Variants in GP2 observed in about 807,000 individuals in gnomAD.
The protein encoded by GP2 is glycoprotein 2.
A neutral mutation model predicts 60.8 loss-of-function variants in GP2; 58 were observed. The observed-to-expected ratio is 0.95, with a 90% CI of 0.77 to 1.19. GP2 has a LOEUF of 1.19. Ranked by LOEUF, GP2 falls within the 50% of genes most tolerant of loss-of-function variation. GP2 has a pLI of 0.00. For missense variants in GP2, 647 were observed against 667.4 expected (o/e 0.97, Z 0.34); for synonymous variants, 280 against 253.4 (o/e 1.10, Z -1.00).
rs554438549 is a variant in GP2, at chr16:20,315,405, A to G, written c.1501+551T>C. On this transcript the variant is annotated intron_variant, in intron 9 of 10. Transcript: ENST00000302555. Reference sequence around the variant, plus strand: ...TACTGTAAACCCATGAGTAGGATGGATGAAAATATGAGGAGTCATTGGAAA... The same window carrying G: ...TACTGTAAACCCATGAGTAGGATGGGTGAAAATATGAGGAGTCATTGGAAA... Among the ~76,000 whole-genome samples, 7 of 152,352 alleles carry G rather than the reference A, an allele frequency of 4.6e-5. No individual in the cohort carries two copies. The South Asian group carries it at 1.2e-3, about 27-fold the overall frequency.
At chr16:20,318,127 G>C in intron 7 of GP2, 58 bp downstream of exon 7, 1 of 1,457,932 alleles carries the variant, frequency 6.9e-7, no homozygotes, top group Non-Finnish European at 9.6e-7. Flanking sequence ...TGGATGAGAT[G>C]AACACTTTCC....
intron 8 of GP2, among the ~76,000 whole-genome samples, chr16:20,316,852 C>G (rs890443476): frequency 2.6e-5 from 4 of 151,312 alleles, no homozygotes; most frequent in African/African-American, 9.7e-5. Context: ...CCCTGTCCCT[C>G]CTTTCCTCCT....
At chr16:20,313,448 G>A (rs779321127) in intron 10 of GP2, among the ~76,000 whole-genome samples, 3 of 152,082 alleles carry the variant, frequency 2.0e-5, no homozygotes, top group South Asian at 4.2e-4. Flanking sequence ...CTACTTGCTT[G>A]TCATTTATTT....
chr16:20,310,445 G>C lies in GP2; in HGVS notation c.*778C>G, dbSNP rs1963963964. On this transcript the variant is annotated 3_prime_UTR_variant, in exon 11 of 11. Coordinates refer to ENST00000302555, the MANE Select transcript of GP2 (RefSeq NM_001502.4). Reference sequence around the variant, plus strand: ...AGTGGCCCTTTGACATGTTCCCATGGCAATTTTTGGAAACCATGATAGAAA... The same window carrying C: ...AGTGGCCCTTTGACATGTTCCCATGCCAATTTTTGGAAACCATGATAGAAA... 1 of 152,206 alleles carries C rather than the reference G, an allele frequency of 6.6e-6. No individual in the cohort carries two copies. Among genetic ancestry groups the C allele is most frequent in the Non-Finnish European group, 1.5e-5 (1 of 68,070 alleles). 9.4% of individuals were successfully genotyped at this position (152,206 alleles called of 1,614,324 possible). A position where few individuals can be genotyped will look rare whatever the true frequency, so the allele number is the denominator to read the frequency against.
chr16:20,322,434 G>C (rs961310241), intron 4 of GP2, among the ~76,000 whole-genome samples: 4 of 152,172 alleles, frequency 2.6e-5, no homozygotes, highest in Non-Finnish European at 4.4e-5. Context: ...CAATAGCCCT[G>C]TATGGTGGGT....
At chr16:20,313,280 C>A (rs373640383) in intron 10 of GP2, among the ~76,000 whole-genome samples, 1 of 137,290 alleles carries the variant, frequency 7.3e-6, no homozygotes, top group Non-Finnish European at 1.6e-5. Context: ...TCTCTCTCTG[C>A]GTGTGTGTGT....
At position 20,320,401 on chromosome 16, in the gene GP2, A is replaced by G. The variant is rs1181705223; in HGVS notation, c.719T>C (p.Leu240Pro). The G allele has an allele frequency of 6.2e-7, 1 of 1,613,888 alleles. No homozygotes were observed. The highest frequency in any genetic ancestry group is 8.5e-7 in the Non-Finnish European group (1 of 1,179,874). The change falls in exon 5 of 11, where the codon CTG (leucine) becomes CCG (proline). Residue 240 changes from leucine (L) to proline (P), a missense_variant. Transcript: ENST00000302555. ...CTCCTCCCCCAAACCCAGGCCTCCC[A>G]GCAAACATTTGTCCACCTTCACCTT... is the stretch of plus-strand genomic sequence containing the variant. ...EIKVKVDKCL[L>P]GGLGLGEEVI...
In GP2 at chr16:20,318,180, G is replaced by A. The variant is rs188906123; in HGVS notation, c.1253+5C>T. 1.1e-4 allele frequency: 176 copies of A among 1,612,020 alleles called. No homozygotes were observed. Among genetic ancestry groups the A allele is most frequent in the Non-Finnish European group, 1.4e-4 (160 of 1,178,140 alleles). On this transcript the variant is annotated splice_donor_5th_base_variant and intron_variant, in intron 7 of 10. Transcript: ENST00000302555. Reference sequence around the variant, plus strand: ...CCAAATGATAATTCCAGAATTGCTCGTTACCTGTTTCTGATGATGAAATAC... The same window carrying A: ...CCAAATGATAATTCCAGAATTGCTCATTACCTGTTTCTGATGATGAAATAC...
At chr16:20,311,325 G>A (rs1442158627) in intron 10 of GP2, 44 bp from the exon 11 acceptor site, 4 of 1,231,042 alleles carry the variant, frequency 3.2e-6, no homozygotes, top group South Asian at 2.4e-5. Context: ...GGCTTTGGGA[G>A]TCAGGAGCAA....
At chr16:20,321,868 C>T (rs2050903594) in intron 4 of GP2, among the ~76,000 whole-genome samples, 2 of 152,180 alleles carry the variant, frequency 1.3e-5, no homozygotes, top group Admixed American at 6.5e-5. Flanking sequence ...CACCTGCTCA[C>T]TCAGTCAGCT....
intron 8 of GP2, 123 bp from the exon 9 acceptor site, chr16:20,316,163 T>G (rs1196731276): frequency 8.2e-6 from 5 of 610,290 alleles, no homozygotes; most frequent in Non-Finnish European, 1.5e-5. Context: ...GCTATGGCCC[T>G]AATTCCGATG....
rs772952400 is a variant in GP2, at chr16:20,317,388, CA to C, written c.1254-14del. The stretch of plus-strand genomic sequence containing the variant: ...TTGATTTGAGCAGCTGGGAGGGTGA[CA>C]GGGGCAAAGGTGTAACTTCTAAAAA... On this transcript the variant is annotated splice_polypyrimidine_tract_variant and intron_variant, in intron 7 of 10. Coordinates refer to ENST00000302555, the MANE Select transcript of GP2 (RefSeq NM_001502.4). The C allele has an allele frequency of 4.3e-6, 7 of 1,610,294 alleles. No individual in the cohort carries two copies. Among genetic ancestry groups the C allele is most frequent in the Middle Eastern group, 1.7e-4 (1 of 6,052 alleles).
At chr16:20,312,994 G>A (rs1020287115) in intron 10 of GP2, among the ~76,000 whole-genome samples, 8 of 152,206 alleles carry the variant, frequency 5.3e-5, no homozygotes, top group Admixed American at 1.3e-4. Context: ...CTCAATGAGC[G>A]TGACTTTTCT....
In GP2 at chr16:20,324,168, G is replaced by A; in HGVS notation, c.183C>T (p.Asp61=). Residue 61 remains aspartate (D), a synonymous_variant, in exon 3 of 11, where the codon GAC becomes GAT. Transcript: ENST00000302555. ...PGTPEAHVCF[D]PCQNYTLLDE... Reference sequence around the variant, plus strand: ...CCAGGAGGGTGTAATTCTGACAGGGGTCAAAACAGACATGAGCCTCTGGGG... The same window carrying A: ...CCAGGAGGGTGTAATTCTGACAGGGATCAAAACAGACATGAGCCTCTGGGG... 1 of 1,613,916 alleles carries A rather than the reference G, an allele frequency of 6.2e-7. No homozygotes were observed.
Position 20,323,897 on chromosome 16 carries a change from CCT to C in GP2, c.452_453del (p.Glu151GlyfsTer22). 1 of 1,614,168 alleles carries C rather than the reference CCT, an allele frequency of 6.2e-7. No homozygotes were observed. Among genetic ancestry groups the C allele is most frequent in the South Asian group, 1.1e-5 (1 of 91,082 alleles). On this transcript the variant is annotated frameshift_variant, in exon 3 of 11. Coordinates refer to ENST00000302555, the MANE Select transcript of GP2 (RefSeq NM_001502.4). LOFTEE classifies it high-confidence loss of function. Reference protein sequence around the residue: ...WSGNCCFWKTEVLVKACPGGY... With the variant: ...WSGNCCFWKTXVLVKACPGGY... ...CCGCCTGGGCAGGCCTTCACCAGCA[CCT>C]CTGTTTTCCAGAAACAGCAGTTGCC...
At position 20,322,876 on chromosome 16, in the gene GP2, A is replaced by G. The variant is rs750679818; in HGVS notation, c.639T>C (p.Asn213=). The G allele has an allele frequency of 6.3e-7, 1 of 1,576,162 alleles. No individual in the cohort carries two copies. The highest frequency in any genetic ancestry group is 1.3e-5 in the African/African-American group (1 of 74,348). ...GCCCAGTGAGCAGCTCACCAGAACTATTGAGGTCCTGTCTGCAGAAACAGC... is the reference window on the plus strand; with the variant it reads ...GCCCAGTGAGCAGCTCACCAGAACTGTTGAGGTCCTGTCTGCAGAAACAGC... ...TWGCFCRQDL[N]SSDVHSLQPQ... is the part of the protein sequence containing the mutation. The change falls in exon 4 of 11, where the codon AAT becomes AAC. Residue 213 remains asparagine, a synonymous_variant. Coordinates refer to ENST00000302555, the MANE Select transcript of GP2 (RefSeq NM_001502.4).
chr16:20,319,062 C>G (rs1390227281), intron 6 of GP2, among the ~76,000 whole-genome samples: 1 of 152,022 alleles, frequency 6.6e-6, no homozygotes, highest in Non-Finnish European at 1.5e-5. Flanking sequence ...GAGAAAAGCC[C>G]CTGCCCAAAT....
At chr16:20,324,612 C>A (rs1310319582) in intron 2 of GP2, among the ~76,000 whole-genome samples, 1 of 152,202 alleles carries the variant, frequency 6.6e-6, no homozygotes, top group Non-Finnish European at 1.5e-5. Context: ...GAACCTCAAA[C>A]ATCATTAAAA....
In GP2 at chr16:20,310,844, C is replaced by G. The variant is rs115321800; in HGVS notation, c.*379G>C. The G allele has an allele frequency of 5.6e-6, 1 of 179,650 alleles. No homozygotes were observed. Among genetic ancestry groups the G allele is most frequent in the Admixed American group, 5.6e-5 (1 of 17,914 alleles). The allele number at this position is 179,650 out of a possible 1,614,324, so 11.1% of individuals were successfully genotyped here. On this transcript the variant is annotated 3_prime_UTR_variant, in exon 11 of 11. Transcript: ENST00000302555. ...CAATCTCAACTCACTGCAACCTCCACCCCCTGAGTTCGAGCAATTCTCCTG... is the reference window on the plus strand; with the variant it reads ...CAATCTCAACTCACTGCAACCTCCAGCCCCTGAGTTCGAGCAATTCTCCTG...
Sources: allele counts gnomAD v4.1 joint callset (sites outside exome capture counted in the v4.1 genomes callset), GRCh38; gene constraint gnomAD v4.1.1; transcripts MANE v1.5; gene names NCBI Gene and HGNC (gene_info 2026-07-23, HGNC 2026-07-21).